The following GBE1 variants were observed in gnomAD, a reference collection of about 807,000 sequenced individuals.
GBE1 encodes 1,4-alpha-glucan branching enzyme 1.
In GBE1, 70 loss-of-function variants were observed where a neutral mutation model predicts 88.8. The observed-to-expected ratio is 0.79, with a 90% CI of 0.65 to 0.96. GBE1 has a LOEUF of 0.96. GBE1 is among the 40% of genes least tolerant of loss of function. The probability of loss-of-function intolerance (pLI) is 0.00; values close to 1 mark genes in which losing one functional copy is unlikely to be tolerated. For synonymous variants in GBE1, 284 were observed against 300.1 expected, an observed-to-expected ratio of 0.95 and a Z score of 0.56; for missense variants, 872 against 871.0, an observed-to-expected ratio of 1.00 and a Z score of -0.01.
At chr3:81,655,276 C>G (rs193030575) in intron 3 of GBE1, among the ~76,000 whole-genome samples, 2 of 152,018 alleles carry the variant, frequency 1.3e-5, no homozygotes, top group Admixed American at 1.3e-4. Flanking sequence ...GAACAACTGA[C>G]CTCAGGTGAT....
chr3:81,615,313 T>A (rs546735197), intron 7 of GBE1, among the ~76,000 whole-genome samples: 54 of 152,258 alleles, frequency 3.5e-4, no homozygotes, highest in Admixed American at 1.8e-3. Flanking sequence ...CCAAATAACA[T>A]CTGGAAAACT....
At chr3:81,667,983 A>G (rs1249134169) in intron 3 of GBE1, among the ~76,000 whole-genome samples, 2 of 152,214 alleles carry the variant, frequency 1.3e-5, no homozygotes, top group Non-Finnish European at 2.9e-5. Flanking sequence ...ATGCCCATCA[A>G]TGATAAACTG....
intron 14 of GBE1, among the ~76,000 whole-genome samples, chr3:81,500,612 G>C (rs962346448): frequency 5.3e-5 from 8 of 152,138 alleles, no homozygotes; most frequent in Non-Finnish European, 4.4e-5. Flanking sequence ...GCTAAGTAAG[G>C]CAAGCATATC....
At chr3:81,617,040 T>C (rs1435804873) in intron 7 of GBE1, among the ~76,000 whole-genome samples, 2 of 151,940 alleles carry the variant, frequency 1.3e-5, no homozygotes, top group African/African-American at 4.8e-5. Flanking sequence ...TAACCACCTG[T>C]TCATTACTAG....
rs1395068860 is a variant in GBE1, at chr3:81,573,760, T to TCC, written c.1618+4164_1618+4165insGG. Among the ~76,000 whole-genome samples the TCC allele has an allele frequency of 5.0e-4, 44 of 88,234 alleles. No individual in the cohort carries two copies. In the South Asian group the frequency reaches 8.3e-3, roughly 17 times the overall value. The allele number at this position is 88,234 out of a possible 152,430, so 57.9% of individuals were successfully genotyped here. On this transcript the variant is annotated intron_variant, in intron 12 of 15. Transcript: ENST00000429644. ...GCTCTAAGTCAATTTGCCTTCTCTCTCTCTCTCTCTCTCTCTGTGTGTGTG... is the reference window on the plus strand; with the variant it reads ...GCTCTAAGTCAATTTGCCTTCTCTCTCCCTCTCTCTCTCTCTCTGTGTGTGTG...
intron 14 of GBE1, among the ~76,000 whole-genome samples, chr3:81,528,947 G>A (rs969528115): frequency 1.3e-5 from 2 of 151,986 alleles, no homozygotes; most frequent in Admixed American, 6.6e-5. Context: ...GTTTTTGATT[G>A]GAGAGTTCAG....
At chr3:81,663,647 G>C (rs1342873277) in intron 3 of GBE1, among the ~76,000 whole-genome samples, 1 of 152,198 alleles carries the variant, frequency 6.6e-6, no homozygotes. Flanking sequence ...TGACAGGGCA[G>C]AGGGTCTAAT....
chr3:81,612,381 T>C, intron 7 of GBE1: 1 of 804,090 alleles, frequency 1.2e-6, no homozygotes, highest in South Asian at 1.3e-5. Context: ...CCACGCTCAT[T>C]AGGATGAAAT....
At chr3:81,526,322 G>T (rs1026863992) in intron 14 of GBE1, among the ~76,000 whole-genome samples, 15 of 152,072 alleles carry the variant, frequency 9.9e-5, no homozygotes, top group African/African-American at 3.6e-4. Context: ...AGACAGGGAT[G>T]CCCTCTCTCA....
chr3:81,493,714 T>G (rs1461031547), intron 15 of GBE1, among the ~76,000 whole-genome samples: 1 of 151,930 alleles, frequency 6.6e-6, no homozygotes, highest in East Asian at 1.9e-4. Context: ...TTGTGTGTTT[T>G]TAGTAGACAC....
At chr3:81,708,773 T>C (rs1359005122) in intron 1 of GBE1, among the ~76,000 whole-genome samples, 2 of 152,056 alleles carry the variant, frequency 1.3e-5, no homozygotes, top group South Asian at 4.1e-4. Context: ...TTTGCAACAA[T>C]GGGAAACTAG....
At chr3:81,700,551 A>G (rs890017243) in intron 2 of GBE1, among the ~76,000 whole-genome samples, 4 of 152,176 alleles carry the variant, frequency 2.6e-5, no homozygotes, top group Admixed American at 1.3e-4. Flanking sequence ...CTTATTCCCA[A>G]TTTCTGACAA....
At chr3:81,690,440 C>G (rs1705504510) in intron 2 of GBE1, among the ~76,000 whole-genome samples, 1 of 152,200 alleles carries the variant, frequency 6.6e-6, no homozygotes, top group Admixed American at 6.5e-5. Context: ...TTGTCCAGCT[C>G]TGGTACTGGA....
intron 7 of GBE1, among the ~76,000 whole-genome samples, chr3:81,619,861 T>C (rs182531893): frequency 6.6e-6 from 1 of 152,210 alleles, no homozygotes; most frequent in Admixed American, 6.5e-5. Flanking sequence ...AATACCATTT[T>C]ACATTTAAAA....
intron 9 of GBE1, among the ~76,000 whole-genome samples, chr3:81,587,418 A>T (rs991309029): frequency 6.6e-6 from 1 of 152,120 alleles, no homozygotes; most frequent in African/African-American, 2.4e-5. Context: ...TCCAAATGGC[A>T]TTCCCCATCT....
chr3:81,748,468 G>A (rs1226823021), intron 1 of GBE1, among the ~76,000 whole-genome samples: 1 of 151,808 alleles, frequency 6.6e-6, no homozygotes, highest in Admixed American at 6.6e-5. Context: ...AAAATTAGCC[G>A]GGTGTGGTGG....
chr3:81,590,421 A>G (rs1427689584), intron 9 of GBE1, among the ~76,000 whole-genome samples: 5 of 152,120 alleles, frequency 3.3e-5, no homozygotes, highest in Admixed American at 2.6e-4. Flanking sequence ...CTAAATTAGC[A>G]TAAGCATTTA....
chr3:81,527,573 T>G (rs1376622151), intron 14 of GBE1, among the ~76,000 whole-genome samples: 2 of 152,070 alleles, frequency 1.3e-5, no homozygotes, highest in African/African-American at 4.8e-5. Flanking sequence ...AACAGACACT[T>G]CTCAAAAGAA....
At chr3:81,748,307 T>C (rs936195271) in intron 1 of GBE1, among the ~76,000 whole-genome samples, 3 of 152,170 alleles carry the variant, frequency 2.0e-5, no homozygotes, top group African/African-American at 7.2e-5. Context: ...ATATACCTAT[T>C]AGTTAACATA....
Sources: allele counts gnomAD v4.1 joint callset (sites outside exome capture counted in the v4.1 genomes callset), GRCh38; gene constraint gnomAD v4.1.1; transcripts MANE v1.5; gene names NCBI Gene and HGNC (gene_info 2026-07-23, HGNC 2026-07-21).